Variants in MEPE observed in about 807,000 individuals in gnomAD.
MEPE encodes matrix, extracellular phosphoglycoprotein with ASARM motif (bone).
In MEPE, 7 loss-of-function variants were observed where a neutral mutation model predicts 7.3. The observed-to-expected ratio is 0.95, with a 90% CI of 0.54 to 1.79. The LOEUF is 1.79. Ranked by LOEUF, MEPE falls within the 40% of genes most tolerant of loss-of-function variation. MEPE has a pLI of 0.00. For synonymous variants in MEPE, 214 were observed against 213.1 expected (o/e 1.00, Z -0.04); for missense variants, 623 against 628.2 (o/e 0.99, Z 0.09).
At chr4:87,839,093 G>A (rs914241950) in intron 3 of MEPE, among the ~76,000 whole-genome samples, 1 of 152,148 alleles carries the variant, frequency 6.6e-6, no homozygotes, top group African/African-American at 2.4e-5. Flanking sequence ...AGATCTGAAT[G>A]GGGAATTCTA....
At chr4:87,822,038 G>A (rs1224135297) in intron 1 of MEPE, among the ~76,000 whole-genome samples, 1 of 152,058 alleles carries the variant, frequency 6.6e-6, no homozygotes, top group Non-Finnish European at 1.5e-5. Flanking sequence ...CCAACACCCA[G>A]CACTGTCTTT....
intron 1 of MEPE, among the ~76,000 whole-genome samples, chr4:87,827,280 G>A (rs906254704): frequency 1.3e-4 from 20 of 152,182 alleles, no homozygotes; most frequent in African/African-American, 3.6e-4. Flanking sequence ...AAGGTGGTAT[G>A]TTTATAGCAA....
intron 1 of MEPE, chr4:87,821,534 A>G (rs891219730): frequency 6.6e-6 from 1 of 152,218 alleles, no homozygotes; most frequent in Non-Finnish European, 1.5e-5. Flanking sequence ...AGGTACATAT[A>G]GTTTGAATTT....
At position 87,845,998 on chromosome 4, in the gene MEPE, C is replaced by A; in HGVS notation, c.1130C>A (p.Ala377Glu). The A allele has an allele frequency of 6.2e-7, 1 of 1,613,946 alleles. No homozygotes were observed. The highest frequency in any genetic ancestry group is 8.5e-7 in the Non-Finnish European group (1 of 1,179,952). Residue 377 changes from alanine (A) to glutamate (E), a missense_variant, in exon 4 of 4, where the codon GCA (alanine) becomes GAA (glutamate). Transcript: ENST00000361056. ...AAGGTTGAGTTTCATTACCCTCCTG[C>A]ACCCTCAAAAGAGAAAAGAAAAGAA... ...QGKVEFHYPPAPSKEKRKEGS... is the reference protein window; with the variant it reads ...QGKVEFHYPPEPSKEKRKEGS...
intron 2 of MEPE, among the ~76,000 whole-genome samples, chr4:87,836,449 T>C (rs370278819): frequency 7.4e-4 from 112 of 152,200 alleles, no homozygotes; most frequent in African/African-American, 2.6e-3. Flanking sequence ...AGAAGATCCC[T>C]GACACCCCAT....
intron 1 of MEPE, among the ~76,000 whole-genome samples, chr4:87,825,549 A>G (rs112727960): frequency 0.012 from 1,773 of 152,350 alleles, 22 homozygotes; most frequent in Non-Finnish European, 0.018. Context: ...TCAATCTGAC[A>G]GTTTTGACGA....
intron 3 of MEPE, among the ~76,000 whole-genome samples, chr4:87,840,319 C>T (rs934886369): frequency 6.6e-6 from 1 of 152,124 alleles, no homozygotes; most frequent in South Asian, 2.1e-4. Flanking sequence ...TTCACTCAGT[C>T]CCTTCTTGTA....
At chr4:87,825,553 T>A (rs1399936754) in intron 1 of MEPE, among the ~76,000 whole-genome samples, 5 of 152,260 alleles carry the variant, frequency 3.3e-5, no homozygotes, top group African/African-American at 9.6e-5. Context: ...TCTGACAGTT[T>A]TGACGAACAA....
intron 3 of MEPE, chr4:87,839,629 A>G (rs1722934796): frequency 3.1e-6 from 4 of 1,308,172 alleles, no homozygotes; most frequent in Admixed American, 4.5e-5. Context: ...CAAAGAGCCC[A>G]AAAACTTCTT....
Position 87,834,723 on chromosome 4 carries a change from TTTC to T in MEPE, c.11_13del (p.Phe4del), listed in dbSNP as rs1444882356. On this transcript the variant is annotated inframe_deletion, in exon 2 of 4. Coordinates refer to ENST00000361056, the MANE Select transcript of MEPE (RefSeq NM_020203.6). ...TACAGAGATTCTCAAAGATGCGAGT[TTTC>T]TGTGTGGGACTACTCCTTTTCAGTG... 4 of 1,613,196 alleles carry T rather than the reference TTTC, an allele frequency of 2.5e-6. No individual in the cohort carries two copies. The highest frequency in any genetic ancestry group is 3.4e-6 in the Non-Finnish European group (4 of 1,179,682).
chr4:87,836,715 ATATT>A (rs1168423733), intron 2 of MEPE, among the ~76,000 whole-genome samples: 5 of 152,190 alleles, frequency 3.3e-5, no homozygotes, highest in African/African-American at 4.8e-5. Flanking sequence ...ATGCTTTTTC[ATATT>A]TAATCATTCA....
intron 2 of MEPE, among the ~76,000 whole-genome samples, chr4:87,835,465 A>C (rs895422731): frequency 1.3e-5 from 2 of 152,216 alleles, no homozygotes; most frequent in South Asian, 2.1e-4. Context: ...CAGCATCCTA[A>C]CTTATCAGAA....
Position 87,846,718 on chromosome 4 carries a change from TTGG to T in MEPE, c.*275_*277del, listed in dbSNP as rs1407393923. 2.7e-6 allele frequency: 1 copy of T among 368,440 alleles called. No individual in the cohort carries two copies. Among genetic ancestry groups the T allele is most frequent in the Non-Finnish European group, 4.9e-6 (1 of 205,826 alleles). The allele number at this position is 368,440 out of a possible 1,614,324, so 22.8% of individuals were successfully genotyped here. A position where few individuals can be genotyped will look rare whatever the true frequency, so the allele number is the denominator to read the frequency against. ...TTGAGTAGGTGTCATTTAAAAATAGTTGGTGAATGTCACAAATGCCTTCTATGT... is the reference window on the plus strand; with the variant it reads ...TTGAGTAGGTGTCATTTAAAAATAGTTGAATGTCACAAATGCCTTCTATGT... On this transcript the variant is annotated 3_prime_UTR_variant, in exon 4 of 4. Coordinates refer to ENST00000361056, the MANE Select transcript of MEPE (RefSeq NM_020203.6).
intron 1 of MEPE, chr4:87,821,536 T>C (rs1301475647): frequency 1.3e-5 from 2 of 152,200 alleles, no homozygotes; most frequent in Non-Finnish European, 2.9e-5. Context: ...GTACATATAG[T>C]TTGAATTTAG....
At chr4:87,842,126 T>A (rs758386165) in intron 3 of MEPE, among the ~76,000 whole-genome samples, 14 of 152,296 alleles carry the variant, frequency 9.2e-5, no homozygotes, top group Non-Finnish European at 1.9e-4. Flanking sequence ...GTGAGACAAC[T>A]GATTCTAATG....
intron 1 of MEPE, among the ~76,000 whole-genome samples, chr4:87,824,559 CTT>C (rs1722417701): frequency 6.6e-6 from 1 of 152,182 alleles, no homozygotes; most frequent in Non-Finnish European, 1.5e-5. Context: ...TCCAATAAAA[CTT>C]TATCTGCCAA....
At chr4:87,828,652 G>A (rs1458306764), upstream of MEPE, among the ~76,000 whole-genome samples, 2 of 152,152 alleles carry the variant, frequency 1.3e-5, no homozygotes, top group Non-Finnish European at 2.9e-5. Context: ...TAGGTTCCTA[G>A]TTAGCTAGCA....
chr4:87,845,893 T>C lies in MEPE; in HGVS notation c.1025T>C (p.Met342Thr), dbSNP rs763401603. ...CTTGTAGAGGGCAGCAACGATATCA[T>C]GGGTAGTACCAATTTTAAGGAGCTC... ...VSLVEGSNDIMGSTNFKELPG... is the reference protein window; with the variant it reads ...VSLVEGSNDITGSTNFKELPG... The change falls in exon 4 of 4, where the codon ATG becomes ACG. Residue 342 changes from methionine (M) to threonine (T), a missense_variant. Coordinates refer to ENST00000361056, the MANE Select transcript of MEPE (RefSeq NM_020203.6). 1.1e-5 allele frequency: 18 copies of C among 1,613,888 alleles called. No individual in the cohort carries two copies. In the Admixed American group the frequency reaches 2.0e-4, roughly 18 times the overall value.
chr4:87,828,669 A>G (rs1722529488), upstream of MEPE, among the ~76,000 whole-genome samples: 1 of 152,186 alleles, frequency 6.6e-6, no homozygotes, highest in Non-Finnish European at 1.5e-5. Flanking sequence ...AGCATTTTAT[A>G]TGATTGTTCA....
Sources: allele counts gnomAD v4.1 joint callset (sites outside exome capture counted in the v4.1 genomes callset), GRCh38; gene constraint gnomAD v4.1.1; transcripts MANE v1.5; gene names NCBI Gene and HGNC (gene_info 2026-07-23, HGNC 2026-07-21).